RCC1: variants seen among roughly 807,000 people sequenced by gnomAD.
RCC1 encodes regulator of chromosome condensation 1, also known as regulator of chromosome condensation.
Under a neutral mutation model 44.4 loss-of-function variants are expected in RCC1, and 11 were observed. The observed-to-expected ratio is 0.25, with a 90% CI of 0.16 to 0.41. RCC1 has a LOEUF of 0.41. RCC1 is among the 10% of genes least tolerant of loss of function. The pLI, the probability that RCC1 is intolerant of heterozygous loss-of-function variation, is 1.00. For synonymous variants in RCC1, 213 were observed against 216.5 expected (o/e 0.98, Z 0.14); for missense variants, 386 against 547.1 (o/e 0.71, Z 2.94).
intron 4 of RCC1, among the ~76,000 whole-genome samples, chr1:28,521,289 C>G (rs1663251242): frequency 6.6e-6 from 1 of 151,866 alleles, no homozygotes; most frequent in Admixed American, 6.6e-5. Flanking sequence ...ATCATGAGGT[C>G]AGGAGATCGA....
chr1:28,511,639 G>C (rs1662549445), intron 3 of RCC1, among the ~76,000 whole-genome samples: 2 of 151,650 alleles, frequency 1.3e-5, no homozygotes, highest in South Asian at 4.1e-4. Context: ...AAAGTGCTGG[G>C]TTTACAGGCG....
intron 4 of RCC1, among the ~76,000 whole-genome samples, chr1:28,517,069 C>T (rs1331307331): frequency 6.6e-6 from 1 of 150,398 alleles, no homozygotes; most frequent in Non-Finnish European, 1.5e-5. Flanking sequence ...TGCAGTGAGC[C>T]GAGATCTCAC....
chr1:28,526,603 C>A, intron 4 of RCC1: 1 of 541,260 alleles, frequency 1.8e-6, no homozygotes, highest in South Asian at 2.2e-5. Flanking sequence ...AAGGTGAAAT[C>A]CAAAGGATAG....
chr1:28,524,533 G>A (rs61785983), intron 4 of RCC1, among the ~76,000 whole-genome samples: 4,060 of 152,208 alleles, frequency 0.027, 73 homozygotes, highest in Non-Finnish European at 0.044. Flanking sequence ...CTCCAGCCTA[G>A]GTGACAGAGT....
intron 7 of RCC1, chr1:28,532,613 T>G (rs1414047954): frequency 1.9e-6 from 1 of 522,334 alleles, no homozygotes; most frequent in African/African-American, 1.9e-5. Context: ...TTGAGGCTGA[T>G]CCAGGAGGCC....
chr1:28,530,687 A>C, intron 5 of RCC1: 1 of 1,279,070 alleles, frequency 7.8e-7, no homozygotes, highest in Admixed American at 2.3e-5. Context: ...TCCTCGGGGG[A>C]GGGGCTGGGC....
chr1:28,513,695 C>T (rs1276010553), intron 3 of RCC1, among the ~76,000 whole-genome samples: 2 of 152,056 alleles, frequency 1.3e-5, no homozygotes, highest in Non-Finnish European at 2.9e-5. Flanking sequence ...AGCCATCCTC[C>T]CAGCTCGGTC....
At chr1:28,514,232 C>T (rs960900481) in intron 3 of RCC1, among the ~76,000 whole-genome samples, 1 of 151,548 alleles carries the variant, frequency 6.6e-6, no homozygotes, top group African/African-American at 2.4e-5. Flanking sequence ...GGGCGGATCA[C>T]GAGATCAGGA....
chr1:28,533,919 C>T (rs1429184432), intron 7 of RCC1, among the ~76,000 whole-genome samples: 1 of 96,746 alleles, frequency 1.0e-5, no homozygotes, highest in African/African-American at 3.9e-5. Context: ...GCTCTATCAC[C>T]CAGGTTGGAG....
Position 28,538,095 on chromosome 1 carries a change from C to A in RCC1, c.*88C>A. On this transcript the variant is annotated 3_prime_UTR_variant, in exon 13 of 13. Transcript: ENST00000683442. The stretch of plus-strand genomic sequence containing the variant: ...GACAGCTGCAGATGGCAGCGGGCCT[C>A]TCCCCAGCCCTGAGCACTGTGTCAG... 8.2e-7 allele frequency: 1 copy of A among 1,224,442 alleles called. No homozygotes were observed. Among genetic ancestry groups the A allele is most frequent in the Non-Finnish European group, 1.1e-6 (1 of 873,402 alleles). 75.8% of individuals were successfully genotyped at this position (1,224,442 alleles called of 1,614,324 possible).
At position 28,538,022 on chromosome 1, in the gene RCC1, G is replaced by T. The variant is rs780583850; in HGVS notation, c.*15G>T. ...AACAGAGCTGATGAAGCCTCTGAGGGCCTGGCTTCTGTCCTGCACAACCTC... is the reference window on the plus strand; with the variant it reads ...AACAGAGCTGATGAAGCCTCTGAGGTCCTGGCTTCTGTCCTGCACAACCTC... On this transcript the variant is annotated 3_prime_UTR_variant, in exon 13 of 13. Transcript: ENST00000683442. 1 of 1,609,130 alleles carries T rather than the reference G, an allele frequency of 6.2e-7. No individual in the cohort carries two copies. The highest frequency in any genetic ancestry group is 1.1e-5 in the South Asian group (1 of 90,090).
At chr1:28,537,789 T>TG (rs751185983) in intron 12 of RCC1, 43 bp from the exon 13 acceptor site, 1 of 1,571,588 alleles carries the variant, frequency 6.4e-7, no homozygotes, top group South Asian at 1.2e-5. Flanking sequence ...AAAGGTGGGC[T>TG]GGGGATCCTG....
chr1:28,509,819 C>G (rs895702041), intron 3 of RCC1: 1 of 152,056 alleles, frequency 6.6e-6, no homozygotes, highest in Non-Finnish European at 1.5e-5. Flanking sequence ...TAGGTCCTGA[C>G]CAATAGGACC....
intron 4 of RCC1, among the ~76,000 whole-genome samples, chr1:28,523,904 C>A (rs1663464849): frequency 6.6e-6 from 1 of 152,226 alleles, no homozygotes; most frequent in Admixed American, 6.5e-5. Context: ...ACAACCTCCA[C>A]TTCCTGGGTT....
In RCC1 at chr1:28,514,156, C is replaced by CAA. The variant is rs1158044888; in HGVS notation, c.-152-2558_-152-2557dup. The stretch of plus-strand genomic sequence containing the variant: ...TAGGCAACAGAGCAAGACTCCGTCT[C>CAA]AAAAAAAAAAAAGGCGGGGCCCGGT... On this transcript the variant is annotated intron_variant, in intron 3 of 12. Coordinates refer to ENST00000683442, the MANE Select transcript of RCC1 (RefSeq NM_001381865.2). Among the ~76,000 whole-genome samples, 89 of 134,944 alleles carry CAA rather than the reference C, an allele frequency of 6.6e-4. No homozygotes were observed. The East Asian group carries it at 0.018, about 27-fold the overall frequency. 88.5% of individuals were successfully genotyped at this position (134,944 alleles called of 152,430 possible).
intron 12 of RCC1, 129 bp downstream of exon 12, chr1:28,537,028 C>T (rs535991800): frequency 1.0e-6 from 1 of 963,010 alleles, no homozygotes; most frequent in East Asian, 2.4e-5. Flanking sequence ...TGTGATGGCA[C>T]TTTGTTCCTG....
At chr1:28,520,200 C>G (rs534937952) in intron 4 of RCC1, among the ~76,000 whole-genome samples, 3 of 152,302 alleles carry the variant, frequency 2.0e-5, no homozygotes, top group African/African-American at 7.2e-5. Flanking sequence ...CCCTCTCCTC[C>G]CTTCCCTCCT....
At chr1:28,513,914 C>T (rs1463363818) in intron 3 of RCC1, among the ~76,000 whole-genome samples, 2 of 151,964 alleles carry the variant, frequency 1.3e-5, no homozygotes, top group Non-Finnish European at 2.9e-5. Flanking sequence ...TACAATAGTC[C>T]ACATTCAATT....
intron 4 of RCC1, among the ~76,000 whole-genome samples, chr1:28,521,174 G>A (rs2124630092): frequency 6.6e-6 from 1 of 152,226 alleles, no homozygotes; most frequent in East Asian, 1.9e-4. Context: ...AGGCTGTGCA[G>A]GCAGGTACCG....
Sources: gnomAD v4.1 joint callset for allele counts (sites outside exome capture counted in the v4.1 genomes callset) on GRCh38, gnomAD v4.1.1 for gene constraint, MANE v1.5 for transcripts, NCBI Gene and HGNC (gene_info 2026-07-23, HGNC 2026-07-21) for gene names.